Variants in CMC1 observed in about 807,000 individuals in gnomAD.
CMC1 encodes the protein C-X9-C motif containing 1.
Under a neutral mutation model 14.1 loss-of-function variants are expected in CMC1, and 14 were observed. The observed-to-expected ratio is 0.99, with a 90% CI of 0.66 to 1.55. The LOEUF is 1.55. CMC1 is among the 40% of genes most tolerant of loss of function. The pLI, the probability that CMC1 is intolerant of heterozygous loss-of-function variation, is 0.00. For synonymous variants in CMC1, 50 were observed against 38.4 expected, an observed-to-expected ratio of 1.30 and a Z score of -1.12; for missense variants, 127 against 123.8, an observed-to-expected ratio of 1.03 and a Z score of -0.12.
rs772683923 is a variant in CMC1 at position 28,324,211 on chromosome 3, CTG to C, written c.*4586_*4587del. 6.2e-7 allele frequency: 1 copy of C among 1,610,486 alleles called. No individual in the cohort carries two copies. The highest frequency in any genetic ancestry group is 8.5e-7 in the Non-Finnish European group (1 of 1,177,626). Reference sequence around the variant, plus strand: ...TTCCAGAGAATTTCTGCCATAAGAACTGTGTTCCTGAAAGCATGTACCATCAT... The same window carrying C: ...TTCCAGAGAATTTCTGCCATAAGAACTGTTCCTGAAAGCATGTACCATCAT... On this transcript the variant is annotated 3_prime_UTR_variant, in exon 4 of 4. Coordinates refer to ENST00000466830, the MANE Select transcript of CMC1 (RefSeq NM_182523.2).
intron 2 of CMC1, among the ~76,000 whole-genome samples, chr3:28,283,551 CAAAA>C (rs5847510): frequency 1.4e-4 from 16 of 118,288 alleles, no homozygotes; most frequent in African/African-American, 4.4e-4. Context: ...ACAACAAAAA[CAAAA>C]AAAAAAAAAA....
chr3:28,309,236 A>G (rs974529690), intron 2 of CMC1, among the ~76,000 whole-genome samples: 2 of 152,004 alleles, frequency 1.3e-5, no homozygotes, highest in Admixed American at 6.6e-5. Context: ...CCTGCTTCCA[A>G]CTCATAGGTA....
At chr3:28,319,397 C>G in intron 3 of CMC1, 112 bp from the exon 4 acceptor site, 2 of 971,770 alleles carry the variant, frequency 2.1e-6, no homozygotes, top group Non-Finnish European at 3.3e-6. Flanking sequence ...AAGTGTACTT[C>G]TAAAGATTGA....
chr3:28,284,549 G>A (rs970019343), intron 2 of CMC1, among the ~76,000 whole-genome samples: 5 of 152,126 alleles, frequency 3.3e-5, no homozygotes, highest in African/African-American at 4.8e-5. Flanking sequence ...TGATTTGAAT[G>A]TGCATCCAAG....
chr3:28,287,911 G>T (rs1350469284), intron 2 of CMC1, among the ~76,000 whole-genome samples: 1 of 151,698 alleles, frequency 6.6e-6, no homozygotes, highest in Non-Finnish European at 1.5e-5. Context: ...ATAGCTCTGT[G>T]CTGTCCAGTA....
chr3:28,301,232 A>G (rs1171773104), intron 2 of CMC1, among the ~76,000 whole-genome samples: 2 of 151,998 alleles, frequency 1.3e-5, no homozygotes, highest in South Asian at 2.1e-4. Flanking sequence ...TTTATTTACT[A>G]TTTTGGAGAC....
At chr3:28,244,274 G>A (rs1269558329) in intron 1 of CMC1, among the ~76,000 whole-genome samples, 1 of 152,206 alleles carries the variant, frequency 6.6e-6, no homozygotes, top group Non-Finnish European at 1.5e-5. Context: ...CAGGTCATAA[G>A]TGGAAGAAGG....
intron 2 of CMC1, among the ~76,000 whole-genome samples, chr3:28,309,822 CA>C (rs1176426767): frequency 5.3e-5 from 1 of 18,956 alleles, no homozygotes; most frequent in Non-Finnish European, 9.2e-5. Context: ...TGATATTTAC[CA>C]CACACACACA....
chr3:28,258,695 C>T (rs1385598399), intron 1 of CMC1, among the ~76,000 whole-genome samples: 1 of 147,524 alleles, frequency 6.8e-6, no homozygotes, highest in Non-Finnish European at 1.5e-5. Context: ...TCTCAGCTCA[C>T]TGCAAGCTCT....
rs1187931376 is a variant in CMC1 at position 28,322,427 on chromosome 3, T to TATC, written c.*2799_*2801dup. 1 of 151,696 alleles carries TATC rather than the reference T, an allele frequency of 6.6e-6. No individual in the cohort carries two copies. The highest frequency in any genetic ancestry group is 1.5e-5 in the Non-Finnish European group (1 of 67,442). The allele number at this position is 151,696 out of a possible 1,614,324, so 9.4% of individuals were successfully genotyped here. A position where few individuals can be genotyped will look rare whatever the true frequency, so the allele number is the denominator to read the frequency against. ...TTGTTCAAAACATTAATCAAGCAAT[T>TATC]ATCTCATAAGACTTTTTTTCTTTAC... On this transcript the variant is annotated 3_prime_UTR_variant, in exon 4 of 4. Transcript: ENST00000466830.
chr3:28,285,577 G>T (rs944249349), intron 2 of CMC1, among the ~76,000 whole-genome samples: 1 of 151,268 alleles, frequency 6.6e-6, no homozygotes, highest in Non-Finnish European at 1.5e-5. Flanking sequence ...TGGGTACAGG[G>T]TACTGTATTC....
intron 2 of CMC1, among the ~76,000 whole-genome samples, chr3:28,296,133 G>A (rs1180945229): frequency 6.6e-6 from 1 of 152,020 alleles, no homozygotes; most frequent in Non-Finnish European, 1.5e-5. Flanking sequence ...CCCAGCTGTT[G>A]TAAGACTAAA....
At chr3:28,302,143 TA>T (rs1279248196) in intron 2 of CMC1, among the ~76,000 whole-genome samples, 1 of 152,208 alleles carries the variant, frequency 6.6e-6, no homozygotes, top group Non-Finnish European at 1.5e-5. Context: ...GGCTCATACT[TA>T]TTGCCAGAAT....
In CMC1 at chr3:28,241,722, C is replaced by T. The variant is rs1698520863; in HGVS notation, c.-72C>T. The stretch of plus-strand genomic sequence containing the variant: ...GGTCGCACGTGCGTCCGAGCCCAAG[C>T]CCCTCCCCTCCACTCCCCTTCCTGC... On this transcript the variant is annotated 5_prime_UTR_variant, in exon 1 of 4. Coordinates refer to ENST00000466830, the MANE Select transcript of CMC1 (RefSeq NM_182523.2). 3 of 1,240,648 alleles carry T rather than the reference C, an allele frequency of 2.4e-6. No homozygotes were observed. Among genetic ancestry groups the T allele is most frequent in the Non-Finnish European group, 2.0e-6 (2 of 988,046 alleles). 76.9% of individuals were successfully genotyped at this position (1,240,648 alleles called of 1,614,324 possible).
At chr3:28,273,237 A>G (rs1229984302) in intron 2 of CMC1, among the ~76,000 whole-genome samples, 1 of 152,192 alleles carries the variant, frequency 6.6e-6, no homozygotes, top group African/African-American at 2.4e-5. Context: ...TTAGTGCTAT[A>G]AATTTCCCTC....
rs144724369 is a variant in CMC1 at position 28,324,256 on chromosome 3, T to C, written c.*4627T>C. 3.6e-5 allele frequency: 58 copies of C among 1,609,898 alleles called. No homozygotes were observed. In the African/African-American group the frequency reaches 7.1e-4, roughly 20 times the overall value. On this transcript the variant is annotated 3_prime_UTR_variant, in exon 4 of 4. Coordinates refer to ENST00000466830, the MANE Select transcript of CMC1 (RefSeq NM_182523.2). ...ACCATCATTAGGAATGGATCTCTCA[T>C]TGTCTGTCCATGATTGGAGGATTGC...
intron 2 of CMC1, among the ~76,000 whole-genome samples, chr3:28,300,648 C>T (rs1209430413): frequency 1.9e-5 from 1 of 51,472 alleles, no homozygotes; most frequent in Non-Finnish European, 3.8e-5. Flanking sequence ...TCCCTCCCTC[C>T]ATCCCTTTCC....
intron 1 of CMC1, among the ~76,000 whole-genome samples, chr3:28,257,809 G>A (rs573020754): frequency 1.3e-5 from 2 of 152,140 alleles, no homozygotes; most frequent in East Asian, 3.9e-4. Context: ...GAGTGAGCCA[G>A]GACTTATATT....
At chr3:28,301,932 G>A (rs1368670174) in intron 2 of CMC1, among the ~76,000 whole-genome samples, 1 of 150,346 alleles carries the variant, frequency 6.7e-6, no homozygotes, top group African/African-American at 2.5e-5. Flanking sequence ...ACACACTATG[G>A]AACTGGCTAC....
Sources: allele counts gnomAD v4.1 joint callset (sites outside exome capture counted in the v4.1 genomes callset), GRCh38; gene constraint gnomAD v4.1.1; transcripts MANE v1.5; gene names NCBI Gene and HGNC (gene_info 2026-07-23, HGNC 2026-07-21).